The following ZFAND3 variants were observed in gnomAD, a reference collection of about 807,000 sequenced individuals.
ZFAND3 encodes the protein AN1-type zinc finger protein 3.
ZFAND3 carries 10 observed loss-of-function variants against 29.6 expected under a neutral mutation model. That is an observed-to-expected ratio of 0.34 (90% CI 0.21 to 0.57). The LOEUF is 0.57. Among genes scored for constraint, ZFAND3 ranks in the 20% least tolerant of loss-of-function variants. ZFAND3 has a pLI of 0.86. For missense variants in ZFAND3, 230 were observed against 304.5 expected, an observed-to-expected ratio of 0.76 and a Z score of 1.82; for synonymous variants, 128 against 112.6, an observed-to-expected ratio of 1.14 and a Z score of -0.87.
rs541364548 is a variant in ZFAND3, at chr6:37,994,543, T to A, written c.112+64544T>A. ...GCTGCAGTCTTAACATTTTTCATTG[T>A]TTTGACGTTGTATGCTTGGCAGGGT... On this transcript the variant is annotated intron_variant, in intron 2 of 5. Transcript: ENST00000287218. Among the ~76,000 whole-genome samples, 33 of 152,330 alleles carry A rather than the reference T, an allele frequency of 2.2e-4. No homozygotes were observed. The South Asian group carries it at 4.3e-3, about 20-fold the overall frequency.
At chr6:37,840,774 A>G (rs1764059036) in intron 1 of ZFAND3, among the ~76,000 whole-genome samples, 1 of 152,036 alleles carries the variant, frequency 6.6e-6, no homozygotes, top group Non-Finnish European at 1.5e-5. Context: ...TTTTCACTGT[A>G]CAATGATCTG....
At chr6:38,147,257 G>T (rs1263514186) in intron 5 of ZFAND3, among the ~76,000 whole-genome samples, 1 of 152,178 alleles carries the variant, frequency 6.6e-6, no homozygotes, top group Admixed American at 6.5e-5. Flanking sequence ...GCCTTTGTGT[G>T]CCTGGTGTAT....
intron 5 of ZFAND3, among the ~76,000 whole-genome samples, chr6:38,151,393 T>C (rs995285600): frequency 6.6e-6 from 1 of 152,108 alleles, no homozygotes; most frequent in African/African-American, 2.4e-5. Flanking sequence ...GAGGCCTGAG[T>C]GTGGGCATCT....
At chr6:38,107,350 C>T (rs991454135) in intron 4 of ZFAND3, among the ~76,000 whole-genome samples, 1 of 152,036 alleles carries the variant, frequency 6.6e-6, no homozygotes, top group Admixed American at 6.5e-5. Flanking sequence ...AGTGGAGGCA[C>T]CTAAAGGAAC....
At chr6:37,958,822 G>C (rs1762147425) in intron 2 of ZFAND3, among the ~76,000 whole-genome samples, 1 of 150,896 alleles carries the variant, frequency 6.6e-6, no homozygotes, top group African/African-American at 2.4e-5. Context: ...CATAGGGATA[G>C]ACGTGAATTC....
chr6:37,870,666 T>G (rs1764679119), intron 1 of ZFAND3, among the ~76,000 whole-genome samples: 1 of 152,072 alleles, frequency 6.6e-6, no homozygotes, highest in South Asian at 2.1e-4. Flanking sequence ...AGTTATTTTT[T>G]TAACTAAGAA....
At chr6:37,864,361 G>A (rs1161721507) in intron 1 of ZFAND3, among the ~76,000 whole-genome samples, 1 of 152,126 alleles carries the variant, frequency 6.6e-6, no homozygotes, top group Non-Finnish European at 1.5e-5. Flanking sequence ...TTTGCTTTGA[G>A]GGCTGAATCC....
At chr6:38,144,161 A>G (rs561753255) in intron 5 of ZFAND3, among the ~76,000 whole-genome samples, 1 of 93,892 alleles carries the variant, frequency 1.1e-5, no homozygotes, top group African/African-American at 4.8e-5. Flanking sequence ...TTACCTTGCT[A>G]GAAAAATGTG....
chr6:37,885,502 G>C (rs972951940), intron 1 of ZFAND3, among the ~76,000 whole-genome samples: 1 of 152,094 alleles, frequency 6.6e-6, no homozygotes, highest in Non-Finnish European at 1.5e-5. Flanking sequence ...AAATTAGCCA[G>C]GTGTGGTGGC....
chr6:38,151,070 A>G (rs2127499307), intron 5 of ZFAND3, among the ~76,000 whole-genome samples: 1 of 152,116 alleles, frequency 6.6e-6, no homozygotes, highest in Non-Finnish European at 1.5e-5. Flanking sequence ...GACTCTGGGG[A>G]CCTCAGACGT....
intron 2 of ZFAND3, among the ~76,000 whole-genome samples, chr6:37,945,054 C>G (rs1761877638): frequency 6.6e-6 from 1 of 152,214 alleles, no homozygotes; most frequent in Admixed American, 6.5e-5. Context: ...CCGGAACTGT[C>G]TTGGCATTGG....
intron 2 of ZFAND3, among the ~76,000 whole-genome samples, chr6:37,981,012 A>G (rs1002390248): frequency 1.3e-5 from 2 of 152,168 alleles, no homozygotes; most frequent in African/African-American, 4.8e-5. Flanking sequence ...GCACAATTGG[A>G]ATATACTTCT....
chr6:38,137,481 CTATT>C (rs1554183486), intron 5 of ZFAND3, among the ~76,000 whole-genome samples: 17 of 152,186 alleles, frequency 1.1e-4, no homozygotes, highest in Admixed American at 8.5e-4. Context: ...AATGCTGACT[CTATT>C]TATTTATTCA....
intron 2 of ZFAND3, among the ~76,000 whole-genome samples, chr6:37,998,659 C>G (rs1762893854): frequency 6.6e-6 from 1 of 152,064 alleles, no homozygotes; most frequent in Admixed American, 6.5e-5. Context: ...AGTTGTTTTT[C>G]ATGGGTGTAC....
chr6:37,924,378 A>G (rs568297043), intron 1 of ZFAND3, among the ~76,000 whole-genome samples: 1 of 148,832 alleles, frequency 6.7e-6, no homozygotes, highest in Non-Finnish European at 1.5e-5. Context: ...TTTAACAAGC[A>G]TTTATTGGGT....
intron 2 of ZFAND3, among the ~76,000 whole-genome samples, chr6:37,998,954 G>C (rs890481910): frequency 1.8e-4 from 28 of 152,314 alleles, no homozygotes; most frequent in African/African-American, 6.3e-4. Flanking sequence ...AGAGGGCCTA[G>C]ATGCAGCAAA....
intron 2 of ZFAND3, among the ~76,000 whole-genome samples, chr6:37,949,414 G>GT (rs1287191165): frequency 4.0e-5 from 6 of 148,914 alleles, no homozygotes; most frequent in Admixed American, 4.0e-4. Flanking sequence ...GACCAAATGT[G>GT]TGTGGGGGGG....
chr6:37,891,593 T>TCAATC (rs1554153128), intron 1 of ZFAND3, among the ~76,000 whole-genome samples: 46 of 131,130 alleles, frequency 3.5e-4, no homozygotes, highest in African/African-American at 1.2e-3. Flanking sequence ...AATAAATAAA[T>TCAATC]AATAAATAAA....
At chr6:37,924,536 T>A (rs947159963) in intron 1 of ZFAND3, among the ~76,000 whole-genome samples, 1 of 152,008 alleles carries the variant, frequency 6.6e-6, no homozygotes, top group African/African-American at 2.4e-5. Context: ...GGAACTGATT[T>A]AAATTGGGTG....
Sources: allele counts gnomAD v4.1 joint callset (sites outside exome capture counted in the v4.1 genomes callset), GRCh38; gene constraint gnomAD v4.1.1; transcripts MANE v1.5; gene names NCBI Gene and HGNC (gene_info 2026-07-23, HGNC 2026-07-21).